The following NEGR1 variants were observed in gnomAD, a reference collection of about 807,000 sequenced individuals.
The protein encoded by NEGR1 is IgLON family member 4.
A neutral mutation model predicts 40.9 loss-of-function variants in NEGR1; 10 were observed. That is an observed-to-expected ratio of 0.24 (90% CI 0.15 to 0.42). NEGR1 has a LOEUF of 0.42. Among genes scored for constraint, NEGR1 ranks in the 10% least tolerant of loss-of-function variants. The pLI is 1.00. For missense variants in NEGR1, 352 were observed against 438.9 expected (o/e 0.80, Z 1.77); for synonymous variants, 185 against 166.8 (o/e 1.11, Z -0.84).
intron 4 of NEGR1, among the ~76,000 whole-genome samples, chr1:71,653,349 T>C (rs191343602): frequency 6.6e-6 from 1 of 152,304 alleles, no homozygotes; most frequent in Admixed American, 6.5e-5. Flanking sequence ...AGCCTAATAT[T>C]CATGTGCACA....
At chr1:71,883,658 G>A (rs941473326) in intron 2 of NEGR1, among the ~76,000 whole-genome samples, 2 of 151,982 alleles carry the variant, frequency 1.3e-5, no homozygotes, top group African/African-American at 4.8e-5. Flanking sequence ...CATGCGCCGT[G>A]TTGGTGTGCT....
chr1:71,738,597 A>T (rs553641230), intron 3 of NEGR1, among the ~76,000 whole-genome samples: 17 of 151,974 alleles, frequency 1.1e-4, no homozygotes, highest in African/African-American at 3.6e-4. Context: ...TAACCCTTAT[A>T]TGTTGCCCTG....
At chr1:71,458,838 C>G (rs894390499) in intron 6 of NEGR1, among the ~76,000 whole-genome samples, 1 of 152,118 alleles carries the variant, frequency 6.6e-6, no homozygotes, top group Non-Finnish European at 1.5e-5. Context: ...AGCTAAATGA[C>G]TTTAACTTTT....
chr1:72,272,447 A>T (rs1296390085), intron 1 of NEGR1, among the ~76,000 whole-genome samples: 2 of 151,968 alleles, frequency 1.3e-5, no homozygotes, highest in Non-Finnish European at 2.9e-5. Flanking sequence ...GAAATATTCT[A>T]TTTATTAAAT....
intron 1 of NEGR1, among the ~76,000 whole-genome samples, chr1:72,241,058 C>T (rs549252574): frequency 6.6e-6 from 1 of 151,886 alleles, no homozygotes; most frequent in Admixed American, 6.6e-5. Flanking sequence ...TGGCTGGTAT[C>T]ATTGTTTACA....
chr1:72,071,305 A>G (rs1205095178), intron 1 of NEGR1, among the ~76,000 whole-genome samples: 1 of 152,106 alleles, frequency 6.6e-6, no homozygotes, highest in Non-Finnish European at 1.5e-5. Flanking sequence ...GGAAAATATT[A>G]AAAATAAGTT....
chr1:72,022,300 T>TAC (rs1380713165), intron 1 of NEGR1, among the ~76,000 whole-genome samples: 8 of 116,904 alleles, frequency 6.8e-5, no homozygotes, highest in African/African-American at 1.5e-4. Flanking sequence ...TATATATATA[T>TAC]ACACGAATAT....
In NEGR1 at chr1:71,560,447, ATG is replaced by A. The variant is rs1175436839; in HGVS notation, c.940+32368_940+32369del. Among the ~76,000 whole-genome samples, 150 of 119,678 alleles carry A rather than the reference ATG, an allele frequency of 1.3e-3. 10 individuals carry two copies. The highest frequency in any genetic ancestry group is 6.5e-3 in the East Asian group (22 of 3,364). 78.5% of individuals were successfully genotyped at this position (119,678 alleles called of 152,430 possible). ...TTCTCCATTATATATATATATATATATGTATATATATATTTCCAATTAACCAT... is the reference window on the plus strand; with the variant it reads ...TTCTCCATTATATATATATATATATATATATATATATTTCCAATTAACCAT... On this transcript the variant is annotated intron_variant, in intron 6 of 6. Transcript: ENST00000357731.
chr1:72,125,108 A>G (rs948542746), intron 1 of NEGR1, among the ~76,000 whole-genome samples: 1 of 152,110 alleles, frequency 6.6e-6, no homozygotes, highest in Admixed American at 6.5e-5. Context: ...CTAGGAAAAC[A>G]TGAAAGTTAT....
At chr1:71,951,555 A>C (rs1209869636) in intron 1 of NEGR1, among the ~76,000 whole-genome samples, 1 of 151,952 alleles carries the variant, frequency 6.6e-6, no homozygotes, top group Non-Finnish European at 1.5e-5. Context: ...TTTCTTTTTG[A>C]GTTCTGGCCA....
chr1:71,681,516 G>A (rs1652837351), intron 4 of NEGR1, among the ~76,000 whole-genome samples: 1 of 152,034 alleles, frequency 6.6e-6, no homozygotes, highest in South Asian at 2.1e-4. Context: ...ATTTTAAGGT[G>A]TTTTGACATT....
chr1:71,423,861 G>C (rs950312943), intron 6 of NEGR1, among the ~76,000 whole-genome samples: 4 of 137,892 alleles, frequency 2.9e-5, no homozygotes, highest in Non-Finnish European at 6.1e-5. Flanking sequence ...GTTGCATTCA[G>C]AACATTTTGA....
chr1:71,569,899 C>T (rs1030437500), intron 6 of NEGR1, among the ~76,000 whole-genome samples: 2 of 152,154 alleles, frequency 1.3e-5, no homozygotes, highest in Admixed American at 1.3e-4. Context: ...TCATTTCCCC[C>T]TTTGTGACTG....
At chr1:72,021,515 C>A (rs1053386088) in intron 1 of NEGR1, among the ~76,000 whole-genome samples, 1 of 151,364 alleles carries the variant, frequency 6.6e-6, no homozygotes, top group Non-Finnish European at 1.5e-5. Flanking sequence ...GTTAATAAAT[C>A]GGAGATAAGT....
chr1:72,125,953 A>T (rs1403544725), intron 1 of NEGR1, among the ~76,000 whole-genome samples: 1 of 152,172 alleles, frequency 6.6e-6, no homozygotes, highest in African/African-American at 2.4e-5. Flanking sequence ...GGTGTCCCTC[A>T]GAGACTGCTT....
At chr1:71,927,939 C>T (rs1645792253) in intron 2 of NEGR1, among the ~76,000 whole-genome samples, 1 of 144,864 alleles carries the variant, frequency 6.9e-6, no homozygotes, top group African/African-American at 2.6e-5. Context: ...GTTGAGGCTG[C>T]AGTAGGCCAA....
chr1:72,164,733 G>C (rs958343026), intron 1 of NEGR1, among the ~76,000 whole-genome samples: 4 of 151,074 alleles, frequency 2.6e-5, no homozygotes, highest in African/African-American at 9.7e-5. Context: ...TTTTTTTCTT[G>C]CTTCCTTTAT....
chr1:71,592,996 A>C, intron 5 of NEGR1, 28 bp from the exon 6 acceptor site: 1 of 1,561,438 alleles, frequency 6.4e-7, no homozygotes, highest in Non-Finnish European at 8.8e-7. Context: ...CTCTAGGTAA[A>C]TATGTATTGT....
intron 1 of NEGR1, among the ~76,000 whole-genome samples, chr1:72,227,771 T>A (rs1297521705): frequency 1.3e-5 from 2 of 152,130 alleles, no homozygotes; most frequent in African/African-American, 2.4e-5. Context: ...AAAGCATGAT[T>A]GGCAATTCAT....
Sources: gnomAD v4.1 joint callset for allele counts (sites outside exome capture counted in the v4.1 genomes callset) on GRCh38, gnomAD v4.1.1 for gene constraint, MANE v1.5 for transcripts, NCBI Gene and HGNC (gene_info 2026-07-23, HGNC 2026-07-21) for gene names.